ARHGAP24: variants seen among roughly 807,000 people sequenced by gnomAD.
ARHGAP24 encodes the protein Rho GTPase activating protein 24.
ARHGAP24 carries 50 observed loss-of-function variants against 76.4 expected under a neutral mutation model. The ratio of observed to expected loss-of-function variants is 0.65; its 90% CI spans 0.52 to 0.83. ARHGAP24 has a LOEUF of 0.83. Ranked by LOEUF, ARHGAP24 falls within the 40% of genes least tolerant of loss-of-function variation. ARHGAP24 has a pLI of 0.00. For missense variants in ARHGAP24, 930 were observed against 914.2 expected, an observed-to-expected ratio of 1.02 and a Z score of -0.22; for synonymous variants, 345 against 323.3, an observed-to-expected ratio of 1.07 and a Z score of -0.72.
chr4:85,599,303 C>T (rs1049427214), intron 2 of ARHGAP24, among the ~76,000 whole-genome samples: 3 of 152,100 alleles, frequency 2.0e-5, no homozygotes, highest in Admixed American at 6.6e-5. Context: ...TATTGAGCAG[C>T]CTGTCTAAGA....
intron 3 of ARHGAP24, among the ~76,000 whole-genome samples, chr4:85,867,670 T>C (rs1732270552): frequency 6.6e-6 from 1 of 151,688 alleles, no homozygotes; most frequent in African/African-American, 2.4e-5. Flanking sequence ...CCCTTCTTTT[T>C]TGGAATCCTA....
At chr4:85,803,681 G>C (rs1728670268) in intron 3 of ARHGAP24, among the ~76,000 whole-genome samples, 1 of 152,088 alleles carries the variant, frequency 6.6e-6, no homozygotes, top group South Asian at 2.1e-4. Flanking sequence ...AATTAGTTAG[G>C]GGGCAGTTCA....
intron 3 of ARHGAP24, among the ~76,000 whole-genome samples, chr4:85,730,273 T>C (rs1725349744): frequency 6.6e-6 from 1 of 152,234 alleles, no homozygotes; most frequent in Non-Finnish European, 1.5e-5. Flanking sequence ...ATGAAAAACA[T>C]GTCCCATATT....
intron 3 of ARHGAP24, among the ~76,000 whole-genome samples, chr4:85,894,429 G>T (rs1490756653): frequency 6.6e-6 from 1 of 152,156 alleles, no homozygotes; most frequent in East Asian, 1.9e-4. Context: ...AGAAAAAGGT[G>T]TATAGTCAAC....
At chr4:85,795,123 C>T (rs910318085) in intron 3 of ARHGAP24, among the ~76,000 whole-genome samples, 9 of 152,246 alleles carry the variant, frequency 5.9e-5, no homozygotes, top group African/African-American at 2.2e-4. Flanking sequence ...ATGCTTCTTC[C>T]ATTCCATGTT....
chr4:85,724,703 T>C lies in ARHGAP24; in HGVS notation c.268+2731T>C, dbSNP rs191382632. Among the ~76,000 whole-genome samples the C allele has an allele frequency of 5.3e-5, 8 of 152,252 alleles. No homozygotes were observed. In the South Asian group the frequency reaches 1.7e-3, roughly 32 times the overall value. On this transcript the variant is annotated intron_variant, in intron 3 of 9. Coordinates refer to ENST00000395184, the MANE Select transcript of ARHGAP24 (RefSeq NM_001025616.3). ...TTATATTTGTATGCATATTTTAGGC[T>C]TTTGTAAAAACCTATCTGAAAATAA...
chr4:85,634,229 A>T (rs1476711549), intron 2 of ARHGAP24, among the ~76,000 whole-genome samples: 1 of 151,924 alleles, frequency 6.6e-6, no homozygotes, highest in Non-Finnish European at 1.5e-5. Flanking sequence ...TCCAGAATTT[A>T]TGAGCTCTAT....
intron 2 of ARHGAP24, among the ~76,000 whole-genome samples, chr4:85,680,003 C>T (rs1249480123): frequency 6.6e-6 from 1 of 152,128 alleles, no homozygotes; most frequent in Admixed American, 6.5e-5. Flanking sequence ...GAAATTTTTC[C>T]TCTCTGCTTC....
chr4:85,825,313 T>G (rs1578265122), intron 3 of ARHGAP24, among the ~76,000 whole-genome samples: 1 of 152,164 alleles, frequency 6.6e-6, no homozygotes, highest in South Asian at 2.1e-4. Flanking sequence ...GACACATACA[T>G]GTAGCCCTGC....
chr4:85,821,416 C>A (rs1729465945), intron 3 of ARHGAP24, among the ~76,000 whole-genome samples: 1 of 152,176 alleles, frequency 6.6e-6, no homozygotes, highest in African/African-American at 2.4e-5. Context: ...CTCTGTTTCC[C>A]AGGCTGGGGT....
At chr4:85,737,620 G>T (rs1725652363) in intron 3 of ARHGAP24, among the ~76,000 whole-genome samples, 2 of 152,214 alleles carry the variant, frequency 1.3e-5, no homozygotes, top group Admixed American at 6.5e-5. Flanking sequence ...GCAGCAAGGA[G>T]ATGATAATAT....
At chr4:85,573,674 G>C (rs1727230945) in intron 2 of ARHGAP24, among the ~76,000 whole-genome samples, 1 of 152,048 alleles carries the variant, frequency 6.6e-6, no homozygotes, top group Non-Finnish European at 1.5e-5. Flanking sequence ...CTTGAAAAAT[G>C]TTGAAAGTGG....
intron 1 of ARHGAP24, among the ~76,000 whole-genome samples, chr4:85,477,504 G>C (rs1473836682): frequency 6.6e-6 from 1 of 152,204 alleles, no homozygotes; most frequent in East Asian, 1.9e-4. Context: ...AAATCCCCAG[G>C]GAAATCCTTT....
intron 2 of ARHGAP24, among the ~76,000 whole-genome samples, chr4:85,714,358 GAATACCTGTA>G (rs1320863060): frequency 6.6e-6 from 1 of 152,078 alleles, no homozygotes; most frequent in African/African-American, 2.4e-5. Context: ...CCTAGGATCT[GAATACCTGTA>G]ATATTAAATA....
At chr4:85,802,852 A>T (rs1030040920) in intron 3 of ARHGAP24, among the ~76,000 whole-genome samples, 18 of 152,226 alleles carry the variant, frequency 1.2e-4, no homozygotes, top group Admixed American at 2.0e-4. Flanking sequence ...AATTGAGACT[A>T]TCAGATTTAA....
chr4:85,823,770 T>A (rs2110126600), intron 3 of ARHGAP24, among the ~76,000 whole-genome samples: 1 of 152,226 alleles, frequency 6.6e-6, no homozygotes. Context: ...GAATTCCTTC[T>A]CCGGAGTTCA....
chr4:85,904,072 T>G (rs910698518), intron 3 of ARHGAP24, among the ~76,000 whole-genome samples: 1 of 152,244 alleles, frequency 6.6e-6, no homozygotes, highest in Non-Finnish European at 1.5e-5. Context: ...AATTAGGCCA[T>G]GAAGCCTATT....
In ARHGAP24 at chr4:86,000,704, C is replaced by A. The variant is rs139949490; in HGVS notation, c.2229C>A (p.Asn743Lys). ...TVEPRRTERG[N>K]TIWIQ ...AACCCAGGAGAACCGAGAGAGGAAA[C>A]ACAATATGGATTCAGTGAGCCTGCT... Residue 743 changes from asparagine to lysine, a missense_variant, in exon 10 of 10, where the codon AAC (asparagine) becomes AAA (lysine). Transcript: ENST00000395184. 3.7e-6 allele frequency: 6 copies of A among 1,613,742 alleles called. No homozygotes were observed. The highest frequency in any genetic ancestry group is 5.1e-6 in the Non-Finnish European group (6 of 1,179,876).
At chr4:85,502,851 T>C (rs900160459) in intron 1 of ARHGAP24, among the ~76,000 whole-genome samples, 1 of 151,932 alleles carries the variant, frequency 6.6e-6, no homozygotes, top group African/African-American at 2.4e-5. Flanking sequence ...ATATTGGCTT[T>C]GTTTGTCATA....
Sources: gnomAD v4.1 joint callset for allele counts (sites outside exome capture counted in the v4.1 genomes callset) on GRCh38, gnomAD v4.1.1 for gene constraint, MANE v1.5 for transcripts, NCBI Gene and HGNC (gene_info 2026-07-23, HGNC 2026-07-21) for gene names.